The following DENND4C variants were observed in gnomAD, a reference collection of about 807,000 sequenced individuals.
DENND4C encodes the protein DENN domain-containing protein 4C.
DENND4C carries 108 observed loss-of-function variants against 203.0 expected under a neutral mutation model. The observed-to-expected ratio is 0.53, with a 90% CI of 0.46 to 0.62. The LOEUF is 0.62. DENND4C is among the 20% of genes least tolerant of loss of function. DENND4C has a pLI of 0.00. For synonymous variants in DENND4C, 871 were observed against 792.4 expected, an observed-to-expected ratio of 1.10 and a Z score of -1.67; for missense variants, 2,481 against 2,301.2, an observed-to-expected ratio of 1.08 and a Z score of -1.60.
intron 30 of DENND4C, among the ~76,000 whole-genome samples, chr9:19,363,400 C>T (rs945853917): frequency 1.3e-5 from 2 of 152,042 alleles, no homozygotes; most frequent in Non-Finnish European, 2.9e-5. Flanking sequence ...GTAGTTCCAG[C>T]TGCTCGGGAG....
intron 1 of DENND4C, among the ~76,000 whole-genome samples, chr9:19,254,994 G>A (rs1827580112): frequency 6.6e-6 from 1 of 151,954 alleles, no homozygotes; most frequent in Admixed American, 6.6e-5. Context: ...TTAGCCAGGT[G>A]TGGTGGTGGT....
intron 1 of DENND4C, among the ~76,000 whole-genome samples, chr9:19,231,228 AG>A (rs199598558): frequency 4.7e-5 from 7 of 150,530 alleles, no homozygotes; most frequent in Non-Finnish European, 8.9e-5. Context: ...GGCTTCCCAG[AG>A]GGGGTCGAGG....
At chr9:19,282,619 A>C (rs142802960) in intron 2 of DENND4C, among the ~76,000 whole-genome samples, 3 of 149,238 alleles carry the variant, frequency 2.0e-5, no homozygotes, top group African/African-American at 7.4e-5. Context: ...TTGCACTCCT[A>C]GGCTCAAGTG....
chr9:19,306,439 A>G (rs1270044010), intron 10 of DENND4C, among the ~76,000 whole-genome samples: 1 of 152,144 alleles, frequency 6.6e-6, no homozygotes, highest in East Asian at 1.9e-4. Flanking sequence ...CCTTATGTAT[A>G]TTTAGATTTA....
chr9:19,343,456 A>AAGCTGAAGAC (rs1363028780), intron 22 of DENND4C, among the ~76,000 whole-genome samples: 1 of 152,180 alleles, frequency 6.6e-6, no homozygotes, highest in African/African-American at 2.4e-5. Flanking sequence ...GACTTTTCTG[A>AAGCTGAAGAC]AGTTGACTGT....
rs1563799075 is a variant in DENND4C at position 19,319,353 on chromosome 9, TATATATACACAC to T, written c.1807+2522_1807+2533del. On this transcript the variant is annotated intron_variant, in intron 12 of 32. Transcript: ENST00000434457. ...ATATATATACACATATATATATACT[TATATATACACAC>T]ATATATATACACATACATATATATA... Among the ~76,000 whole-genome samples the T allele has an allele frequency of 8.1e-3, 35 of 4,330 alleles. No individual in the cohort carries two copies. In the East Asian group the frequency reaches 0.32, roughly 39 times the overall value. The allele number at this position is 4,330 out of a possible 152,430, so 2.8% of individuals were successfully genotyped here.
chr9:19,357,953 T>A lies in DENND4C; in HGVS notation c.4965-12T>A. 6.3e-7 allele frequency: 1 copy of A among 1,579,746 alleles called. No individual in the cohort carries two copies. On this transcript the variant is annotated splice_polypyrimidine_tract_variant and intron_variant, in intron 27 of 32. Coordinates refer to ENST00000434457, the MANE Select transcript of DENND4C (RefSeq NM_001330640.2). ...ACATGAACATAGCATTTCTTCTATA[T>A]TTATTTTTAAGTGATGAAATAAAGA...
intron 25 of DENND4C, 98 bp downstream of exon 25, chr9:19,352,280 T>A: frequency 8.5e-7 from 1 of 1,175,814 alleles, no homozygotes; most frequent in Non-Finnish European, 1.2e-6. Flanking sequence ...TTGTGGACAG[T>A]ATAATAAAAT....
intron 1 of DENND4C, among the ~76,000 whole-genome samples, chr9:19,234,009 T>C (rs1395433587): frequency 6.6e-6 from 1 of 152,236 alleles, no homozygotes; most frequent in African/African-American, 2.4e-5. Flanking sequence ...ACTTCTATAA[T>C]GTAGTAGTAT....
chr9:19,244,248 C>G (rs147054881), intron 1 of DENND4C, among the ~76,000 whole-genome samples: 370 of 152,280 alleles, frequency 2.4e-3, no homozygotes, highest in African/African-American at 8.1e-3. Flanking sequence ...CCAGGCTGGT[C>G]TTGAACTACT....
At chr9:19,318,665 A>T (rs939472148) in intron 12 of DENND4C, among the ~76,000 whole-genome samples, 5 of 152,150 alleles carry the variant, frequency 3.3e-5, no homozygotes, top group Admixed American at 6.5e-5. Context: ...ATTTCTTCTG[A>T]AGCCTCTTCC....
At chr9:19,301,372 T>TG (rs1214876058) in intron 9 of DENND4C, among the ~76,000 whole-genome samples, 1 of 152,176 alleles carries the variant, frequency 6.6e-6, no homozygotes, top group Non-Finnish European at 1.5e-5. Context: ...TAATCTCTTG[T>TG]TTACTCCTGT....
intron 17 of DENND4C, among the ~76,000 whole-genome samples, chr9:19,333,939 TG>T (rs1450300008): frequency 6.6e-6 from 1 of 152,264 alleles, no homozygotes. Context: ...CTATTTGTTC[TG>T]TAGGCATTTT....
chr9:19,331,767 A>C (rs1288448771), intron 16 of DENND4C, among the ~76,000 whole-genome samples: 1 of 152,134 alleles, frequency 6.6e-6, no homozygotes, highest in Middle Eastern at 3.2e-3. Context: ...TAACAAATAG[A>C]TTTGGTATAG....
chr9:19,261,326 TTTGACTATTCTGGGTC>T (rs2130632157), intron 1 of DENND4C, among the ~76,000 whole-genome samples: 1 of 152,258 alleles, frequency 6.6e-6, no homozygotes, highest in Admixed American at 6.5e-5. Context: ...TCAGAATAGC[TTTGACTATTCTGGGTC>T]TTTTGTGGCT....
At chr9:19,261,638 G>A (rs1429054250) in intron 1 of DENND4C, among the ~76,000 whole-genome samples, 1 of 151,358 alleles carries the variant, frequency 6.6e-6, no homozygotes, top group East Asian at 1.9e-4. Flanking sequence ...CAGTACCTGA[G>A]GACTACAAGT....
chr9:19,313,539 A>G (rs1323157649), intron 10 of DENND4C, among the ~76,000 whole-genome samples: 2 of 152,248 alleles, frequency 1.3e-5, no homozygotes, highest in Non-Finnish European at 2.9e-5. Flanking sequence ...TAGCACTAAA[A>G]TATTAGACAG....
chr9:19,314,282 G>T (rs977857606), intron 10 of DENND4C, among the ~76,000 whole-genome samples: 3 of 151,794 alleles, frequency 2.0e-5, no homozygotes, highest in African/African-American at 7.3e-5. Flanking sequence ...GTGAAACCCC[G>T]TCTCTACTAA....
At chr9:19,295,369 G>A (rs1837222782) in intron 5 of DENND4C, among the ~76,000 whole-genome samples, 2 of 152,194 alleles carry the variant, frequency 1.3e-5, no homozygotes, top group Non-Finnish European at 1.5e-5. Context: ...GCTAGGTGTG[G>A]TGGTGGGCGC....
Sources: allele counts gnomAD v4.1 joint callset (sites outside exome capture counted in the v4.1 genomes callset), GRCh38; gene constraint gnomAD v4.1.1; transcripts MANE v1.5; gene names NCBI Gene and HGNC (gene_info 2026-07-23, HGNC 2026-07-21).